The following RBFOX1 variants were observed in gnomAD, a reference collection of about 807,000 sequenced individuals.
RBFOX1 encodes the protein RNA binding protein fox-1 homolog 1.
In RBFOX1, 8 loss-of-function variants were observed where a neutral mutation model predicts 57.7. The observed-to-expected ratio is 0.14, with a 90% CI of 0.08 to 0.25. The LOEUF is 0.25. Among genes scored for constraint, RBFOX1 ranks in the 10% least tolerant of loss-of-function variants. The probability of loss-of-function intolerance (pLI) is 1.00; values close to 1 mark genes in which losing one functional copy is unlikely to be tolerated. For missense variants in RBFOX1, 611 were observed against 548.5 expected (o/e 1.11, Z -1.14); for synonymous variants, 326 against 222.4 (o/e 1.47, Z -4.15).
chr16:5,867,200 C>G, intron 3 of RBFOX1: 1 of 705,008 alleles, frequency 1.4e-6, no homozygotes, highest in Non-Finnish European at 2.0e-6. Context: ...TTTGTCCCCT[C>G]GGGTCATAAC....
At chr16:6,883,270 A>C (rs1449944378) in intron 3 of RBFOX1, among the ~76,000 whole-genome samples, 2 of 152,078 alleles carry the variant, frequency 1.3e-5, no homozygotes, top group Non-Finnish European at 2.9e-5. Context: ...GTTGTCCTAG[A>C]CCTTCTTTTT....
chr16:7,428,631 A>G (rs1422002531), intron 4 of RBFOX1, among the ~76,000 whole-genome samples: 1 of 151,322 alleles, frequency 6.6e-6, no homozygotes, highest in Non-Finnish European at 1.5e-5. Context: ...TTGGCCTCCC[A>G]TAGTGCTGGG....
rs181092414 is a variant in RBFOX1, at chr16:5,943,860, C to G, written c.351+76525C>G. 5.9e-4 allele frequency among the ~76,000 whole-genome samples: 90 copies of G among 152,180 alleles called. 1 individual carries two copies. The highest frequency in any genetic ancestry group is 2.1e-3 in the African/African-American group (88 of 41,524). ...ACCCATTTATCCACCTATTCATCCA[C>G]TCATCCATTAATCTACCTGTTCACC... On this transcript the variant is annotated intron_variant, in intron 4 of 19. Transcript: ENST00000641259.
intron 1 of RBFOX1, among the ~76,000 whole-genome samples, chr16:6,040,746 C>T (rs2095427892): frequency 6.6e-6 from 1 of 152,128 alleles, no homozygotes; most frequent in Non-Finnish European, 1.5e-5. Context: ...AGGCACCCAC[C>T]ACCATGCCTG....
At chr16:6,028,300 A>G (rs1255615595) in intron 1 of RBFOX1, among the ~76,000 whole-genome samples, 1 of 152,128 alleles carries the variant, frequency 6.6e-6, no homozygotes, top group Non-Finnish European at 1.5e-5. Flanking sequence ...AGTGGAGGGA[A>G]AATAGTCCTT....
intron 3 of RBFOX1, among the ~76,000 whole-genome samples, chr16:6,734,005 G>A (rs1206454939): frequency 6.6e-6 from 1 of 152,154 alleles, no homozygotes; most frequent in Non-Finnish European, 1.5e-5. Flanking sequence ...TTCAGTCCCT[G>A]CCACATCATT....
Position 6,610,349 on chromosome 16 carries a change from A to T in RBFOX1, c.-63-44254A>T, listed in dbSNP as rs140086882. On this transcript the variant is annotated intron_variant, in intron 2 of 15. Coordinates refer to ENST00000550418, the MANE Select transcript of RBFOX1 (RefSeq NM_018723.4). ...GACATTCTTATTTTTTTAGAGGAAGACAGAGTATCCCACTATCACCCAGGC... is the reference window on the plus strand; with the variant it reads ...GACATTCTTATTTTTTTAGAGGAAGTCAGAGTATCCCACTATCACCCAGGC... Among the ~76,000 whole-genome samples the T allele has an allele frequency of 3.5e-3, 533 of 152,286 alleles. 8 individuals carry two copies. Among genetic ancestry groups the T allele is most frequent in the African/African-American group, 0.012 (494 of 41,556 alleles).
chr16:7,520,625 C>G (rs2077328150), intron 5 of RBFOX1, among the ~76,000 whole-genome samples: 2 of 152,218 alleles, frequency 1.3e-5, no homozygotes, highest in Admixed American at 1.3e-4. Flanking sequence ...CTTCTGAACA[C>G]TCCTGCTGCC....
chr16:5,339,470 G>GGTTTTTTTT lies in RBFOX1; in HGVS notation c.219+99365_219+99366insGTTTTTTTT, dbSNP rs1567354925. On this transcript the variant is annotated intron_variant, in intron 1 of 2. Transcript: ENST00000585867. ...AAAAGCTAGAAGCTGCTTTTTCCGT[G>GGTTTTTTTT]TTTTTTTTTTTTTTTTTTTTTTTTT... 1.8e-3 allele frequency among the ~76,000 whole-genome samples: 72 copies of GGTTTTTTTT among 40,886 alleles called. 3 individuals are homozygous for GGTTTTTTTT. Among genetic ancestry groups the GGTTTTTTTT allele is most frequent in the Admixed American group, 3.7e-3 (8 of 2,140 alleles). 26.8% of individuals were successfully genotyped at this position (40,886 alleles called of 152,430 possible). A position where few individuals can be genotyped will look rare whatever the true frequency, so the allele number is the denominator to read the frequency against.
chr16:6,676,590 C>A (rs72762995), intron 3 of RBFOX1, among the ~76,000 whole-genome samples: 36,963 of 151,388 alleles, frequency 0.24, 4,758 homozygotes, highest in African/African-American at 0.31. Flanking sequence ...TTGATAGGAC[C>A]AGCTCGGAAA....
chr16:5,251,093 C>T (rs2062438549), intron 1 of RBFOX1, among the ~76,000 whole-genome samples: 1 of 151,542 alleles, frequency 6.6e-6, no homozygotes, highest in African/African-American at 2.4e-5. Context: ...GGTCCCAGCC[C>T]CTACCCACTT....
At chr16:7,198,800 C>G (rs972121004) in intron 4 of RBFOX1, among the ~76,000 whole-genome samples, 2 of 152,196 alleles carry the variant, frequency 1.3e-5, no homozygotes, top group African/African-American at 4.8e-5. Flanking sequence ...AACACTGTTG[C>G]AATGGATATT....
At chr16:6,529,533 T>C (rs945853592) in intron 2 of RBFOX1, among the ~76,000 whole-genome samples, 6 of 151,774 alleles carry the variant, frequency 4.0e-5, no homozygotes, top group African/African-American at 1.5e-4. Flanking sequence ...CACTGCAGCC[T>C]GGGTGACAGA....
intron 4 of RBFOX1, among the ~76,000 whole-genome samples, chr16:7,217,666 T>G (rs2092319436): frequency 6.6e-6 from 1 of 152,220 alleles, no homozygotes; most frequent in South Asian, 2.1e-4. Flanking sequence ...TATTTGTTTT[T>G]AATCATAGGG....
intron 3 of RBFOX1, among the ~76,000 whole-genome samples, chr16:6,815,337 C>G (rs906174594): frequency 2.0e-5 from 3 of 152,124 alleles, no homozygotes; most frequent in East Asian, 1.9e-4. Flanking sequence ...GTGCTGAACT[C>G]CTGTCTCATC....
rs188934531 is a variant in RBFOX1, at chr16:7,194,656, A to G, written c.27+142558A>G. Among the ~76,000 whole-genome samples, 3 of 152,328 alleles carry G rather than the reference A, an allele frequency of 2.0e-5. No homozygotes were observed. In the East Asian group the frequency reaches 5.8e-4, roughly 29 times the overall value. ...AAAGTGGTGAATTTAGCCCAGGCACAGTGGCTCATGTCTGTAATCCCAGCA... is the reference window on the plus strand; with the variant it reads ...AAAGTGGTGAATTTAGCCCAGGCACGGTGGCTCATGTCTGTAATCCCAGCA... On this transcript the variant is annotated intron_variant, in intron 4 of 15. Transcript: ENST00000550418.
At chr16:6,863,231 A>G (rs528681258) in intron 3 of RBFOX1, among the ~76,000 whole-genome samples, 52 of 152,214 alleles carry the variant, frequency 3.4e-4, no homozygotes, top group Non-Finnish European at 6.3e-4. Flanking sequence ...AAACATTCCA[A>G]CCTAAAGGCA....
At chr16:6,387,411 G>A (rs939053996) in intron 2 of RBFOX1, among the ~76,000 whole-genome samples, 6 of 149,954 alleles carry the variant, frequency 4.0e-5, no homozygotes, top group African/African-American at 4.9e-5. Context: ...CCTCGGATTC[G>A]TATGTGCAAG....
intron 4 of RBFOX1, among the ~76,000 whole-genome samples, chr16:5,942,380 G>C (rs7205171): frequency 0.58 from 88,632 of 151,920 alleles, 26,292 homozygotes; most frequent in Middle Eastern, 0.69. Context: ...TACAGGACTA[G>C]TTGAGTCATG....
Sources: gnomAD v4.1 joint callset for allele counts (sites outside exome capture counted in the v4.1 genomes callset) on GRCh38, gnomAD v4.1.1 for gene constraint, MANE v1.5 for transcripts, NCBI Gene and HGNC (gene_info 2026-07-23, HGNC 2026-07-21) for gene names.